Variants in PHF20 observed in about 807,000 individuals in gnomAD.
The protein encoded by PHF20 is PHD finger protein 20.
A neutral mutation model predicts 113.5 loss-of-function variants in PHF20; 23 were observed. The ratio of observed to expected loss-of-function variants is 0.20; its 90% confidence interval spans 0.15 to 0.29. The LOEUF (loss-of-function observed/expected upper bound fraction) is 0.29. Among genes scored for constraint, PHF20 ranks in the 10% least tolerant of loss-of-function variants. PHF20 has a pLI of 1.00. For synonymous variants in PHF20, 434 were observed against 457.3 expected (o/e 0.95, Z 0.65); for missense variants, 943 against 1,219.6 (o/e 0.77, Z 3.38).
intron 1 of PHF20, among the ~76,000 whole-genome samples, chr20:35,778,488 G>C (rs763222285): frequency 2.0e-5 from 3 of 152,062 alleles, no homozygotes; most frequent in Non-Finnish European, 4.4e-5. Flanking sequence ...TGTGGCTCAC[G>C]CCTGTAATCC....
At chr20:35,867,588 G>A (rs2054341002) in intron 6 of PHF20, among the ~76,000 whole-genome samples, 1 of 152,112 alleles carries the variant, frequency 6.6e-6, no homozygotes, top group Admixed American at 6.6e-5. Flanking sequence ...AACTTGGAAT[G>A]TGTGGGATTT....
At chr20:35,866,518 T>C (rs1229571620) in intron 6 of PHF20, among the ~76,000 whole-genome samples, 1 of 152,100 alleles carries the variant, frequency 6.6e-6, no homozygotes, top group Non-Finnish European at 1.5e-5. Flanking sequence ...GTGGGATGAG[T>C]GAGAGGCAGG....
chr20:35,806,988 A>G (rs776290756), intron 2 of PHF20, among the ~76,000 whole-genome samples: 16 of 151,396 alleles, frequency 1.1e-4, no homozygotes, highest in South Asian at 6.3e-4. Context: ...GCAGAGACGG[A>G]GTTTCACTGT....
chr20:35,904,577 A>C (rs959545125), intron 10 of PHF20, among the ~76,000 whole-genome samples: 1 of 152,162 alleles, frequency 6.6e-6, no homozygotes, highest in South Asian at 2.1e-4. Context: ...TGGGGCTTCC[A>C]GCAAAACCAC....
chr20:35,944,529 C>T (rs973287507), intron 17 of PHF20, among the ~76,000 whole-genome samples: 3 of 152,106 alleles, frequency 2.0e-5, no homozygotes, highest in Non-Finnish European at 2.9e-5. Context: ...TTGGAGTGAC[C>T]CATCCAGTCC....
At chr20:35,909,232 G>T (rs868668899) in intron 10 of PHF20, among the ~76,000 whole-genome samples, 3 of 150,054 alleles carry the variant, frequency 2.0e-5, no homozygotes, top group East Asian at 4.1e-4. Context: ...TTAGGTTGGT[G>T]CAAAAGTAAT....
chr20:35,826,849 A>G (rs2042271186), intron 2 of PHF20, among the ~76,000 whole-genome samples: 1 of 152,198 alleles, frequency 6.6e-6, no homozygotes, highest in Admixed American at 6.6e-5. Context: ...CTGGTAAGAA[A>G]TGATTGAGAT....
intron 2 of PHF20, among the ~76,000 whole-genome samples, chr20:35,808,670 TCGTG>T (rs2041925164): frequency 6.6e-6 from 1 of 152,040 alleles, no homozygotes; most frequent in Non-Finnish European, 1.5e-5. Context: ...ACTCCTGGGT[TCGTG>T]CCATTCTCCT....
chr20:35,904,275 T>C (rs2055157092), intron 10 of PHF20, among the ~76,000 whole-genome samples: 1 of 145,036 alleles, frequency 6.9e-6, no homozygotes, highest in Non-Finnish European at 1.5e-5. Flanking sequence ...CTGAATGCTC[T>C]GATTTTTTTT....
At chr20:35,850,825 G>A (rs747002297) in intron 4 of PHF20, 15 of 1,112,208 alleles carry the variant, frequency 1.3e-5, no homozygotes, top group Admixed American at 3.6e-5. Context: ...TGAAAATCAG[G>A]TGTATGTTTC....
intron 2 of PHF20, among the ~76,000 whole-genome samples, chr20:35,831,375 C>A (rs2042355933): frequency 6.6e-6 from 1 of 152,080 alleles, no homozygotes; most frequent in Non-Finnish European, 1.5e-5. Context: ...CCTATGTTTC[C>A]CATACTGATC....
intron 1 of PHF20, among the ~76,000 whole-genome samples, chr20:35,783,701 G>T (rs2041348853): frequency 6.6e-6 from 1 of 151,746 alleles, no homozygotes; most frequent in Middle Eastern, 3.2e-3. Flanking sequence ...ACTGGGATTG[G>T]CCGGGCATGG....
chr20:35,786,197 G>T (rs1441259977), intron 1 of PHF20, among the ~76,000 whole-genome samples: 1 of 151,566 alleles, frequency 6.6e-6, no homozygotes, highest in African/African-American at 2.4e-5. Context: ...GACCATCCTG[G>T]TCAACATGGT....
chr20:35,779,756 A>G (rs950082484), intron 1 of PHF20, among the ~76,000 whole-genome samples: 1 of 151,882 alleles, frequency 6.6e-6, no homozygotes, highest in Non-Finnish European at 1.5e-5. Context: ...CCTGACCTCA[A>G]GTGATCCACC....
chr20:35,855,392 T>C (rs2042808261), intron 4 of PHF20: 2 of 338,338 alleles, frequency 5.9e-6, no homozygotes, highest in Middle Eastern at 4.3e-4. Flanking sequence ...GTTCATCTAA[T>C]TGTTGTTGTC....
chr20:35,773,363 CTCCCCTTGAGGTGCTTT>C (rs1360186647), intron 1 of PHF20, among the ~76,000 whole-genome samples: 2 of 152,168 alleles, frequency 1.3e-5, no homozygotes, highest in Non-Finnish European at 2.9e-5. Flanking sequence ...TGGAGCCACA[CTCCCCTTGAGGTGCTTT>C]CCCCAGTCTG....
At chr20:35,934,185 C>T (rs146900296) in intron 15 of PHF20, among the ~76,000 whole-genome samples, 4 of 152,270 alleles carry the variant, frequency 2.6e-5, no homozygotes, top group South Asian at 2.1e-4. Context: ...TATCAGGACC[C>T]TGAGATGGTG....
intron 17 of PHF20, among the ~76,000 whole-genome samples, chr20:35,945,136 A>G (rs917897738): frequency 2.6e-5 from 4 of 152,164 alleles, no homozygotes; most frequent in African/African-American, 9.7e-5. Context: ...AACAAGAAAT[A>G]TGATGGAGGA....
intron 1 of PHF20, among the ~76,000 whole-genome samples, chr20:35,772,710 C>T (rs2041087939): frequency 6.6e-6 from 1 of 151,916 alleles, no homozygotes; most frequent in African/African-American, 2.4e-5. Context: ...AGTGGGAGCA[C>T]ATTCCTTTTT....
Sources: allele counts gnomAD v4.1 joint callset (sites outside exome capture counted in the v4.1 genomes callset), GRCh38; gene constraint gnomAD v4.1.1; transcripts MANE v1.5; gene names NCBI Gene and HGNC (gene_info 2026-07-23, HGNC 2026-07-21).